The following CNTLN variants were observed in gnomAD, a reference collection of about 807,000 sequenced individuals.
CNTLN encodes the protein centlein, centrosomal protein.
Under a neutral mutation model 180.0 loss-of-function variants are expected in CNTLN, and 212 were observed. The observed-to-expected ratio is 1.18, with a 90% CI of 1.05 to 1.32. The LOEUF (loss-of-function observed/expected upper bound fraction) is 1.32, where lower values mean the gene tolerates loss of function less well. Ranked by LOEUF, CNTLN falls within the 40% of genes most tolerant of loss-of-function variation. CNTLN has a pLI of 0.00. For synonymous variants in CNTLN, 722 were observed against 563.1 expected, an observed-to-expected ratio of 1.28 and a Z score of -3.99; for missense variants, 2,095 against 1,610.9, an observed-to-expected ratio of 1.30 and a Z score of -5.14.
At chr9:17,496,704 C>G (rs912031717) in intron 25 of CNTLN, among the ~76,000 whole-genome samples, 2 of 152,122 alleles carry the variant, frequency 1.3e-5, no homozygotes, top group African/African-American at 4.8e-5. Context: ...CCTATTGAGC[C>G]CCCAAATTCT....
chr9:17,498,866 C>A (rs1225006519), intron 25 of CNTLN, among the ~76,000 whole-genome samples: 1 of 152,112 alleles, frequency 6.6e-6, no homozygotes, highest in African/African-American at 2.4e-5. Flanking sequence ...GTCAGATTGC[C>A]ACTTCTATCC....
At chr9:17,159,327 A>T (rs1181661869) in intron 2 of CNTLN, among the ~76,000 whole-genome samples, 1 of 152,190 alleles carries the variant, frequency 6.6e-6, no homozygotes, top group Non-Finnish European at 1.5e-5. Flanking sequence ...CCTTTCAAGC[A>T]AAGTCTCTGA....
intron 7 of CNTLN, 184 bp downstream of exon 7, chr9:17,298,536 A>T: frequency 7.7e-7 from 1 of 1,293,464 alleles, no homozygotes; most frequent in South Asian, 2.1e-5. Context: ...AATTTTCTTT[A>T]TGGTAATTAG....
intron 5 of CNTLN, among the ~76,000 whole-genome samples, chr9:17,269,822 A>G (rs530462935): frequency 2.6e-5 from 4 of 152,172 alleles, no homozygotes; most frequent in South Asian, 4.1e-4. Context: ...TTGGTTCTAG[A>G]CCACCACAAT....
At chr9:17,499,047 G>A (rs115620454) in intron 25 of CNTLN, among the ~76,000 whole-genome samples, 2,324 of 152,200 alleles carry the variant, frequency 0.015, 73 homozygotes, top group African/African-American at 0.053. Flanking sequence ...AAAGTAGAAG[G>A]TTTGGCTCTC....
intron 25 of CNTLN, chr9:17,495,137 C>T: frequency 2.9e-6 from 1 of 341,838 alleles, no homozygotes; most frequent in South Asian, 2.3e-5. Context: ...GCCTCAGCCT[C>T]TCAAAGTGCT....
chr9:17,256,936 T>A (rs1449954394), intron 5 of CNTLN, among the ~76,000 whole-genome samples: 1 of 151,918 alleles, frequency 6.6e-6, no homozygotes, highest in Non-Finnish European at 1.5e-5. Flanking sequence ...GTGCAGGAGC[T>A]CAGTCCAGAC....
chr9:17,202,577 C>T (rs1822606277), intron 2 of CNTLN, among the ~76,000 whole-genome samples: 1 of 149,426 alleles, frequency 6.7e-6, no homozygotes, highest in Non-Finnish European at 1.5e-5. Context: ...TATGTAATGC[C>T]CTTCTTTGTC....
At position 17,365,585 on chromosome 9, in the gene CNTLN, A is replaced by G. The variant is rs1823750889; in HGVS notation, c.1887-1032A>G. Among the ~76,000 whole-genome samples the G allele has an allele frequency of 3.3e-5, 5 of 152,002 alleles. No homozygotes were observed. In the South Asian group the frequency reaches 8.3e-4, roughly 25 times the overall value. ...GTCTTTTTGCCTTTATTTGGCATCT[A>G]GGAATTTACCATTCTTGTTTTCAGT... On this transcript the variant is annotated intron_variant, in intron 12 of 25. Transcript: ENST00000380647.
downstream of CNTLN, among the ~76,000 whole-genome samples, chr9:17,505,358 C>G (rs1833913881): frequency 6.6e-6 from 1 of 151,794 alleles, no homozygotes; most frequent in South Asian, 2.1e-4. Flanking sequence ...TAAAAGGCAT[C>G]CAGATTGGAA....
intron 8 of CNTLN, among the ~76,000 whole-genome samples, chr9:17,322,551 A>G (rs971831965): frequency 6.6e-6 from 1 of 152,182 alleles, no homozygotes; most frequent in African/African-American, 2.4e-5. Flanking sequence ...CTGCAACTCA[A>G]CTTTAACTAC....
At chr9:17,309,926 C>A (rs1408453438) in intron 8 of CNTLN, among the ~76,000 whole-genome samples, 1 of 151,866 alleles carries the variant, frequency 6.6e-6, no homozygotes, top group African/African-American at 2.4e-5. Context: ...TGTATTAATT[C>A]AGTAATGGAT....
intron 12 of CNTLN, among the ~76,000 whole-genome samples, chr9:17,357,598 ACT>A (rs1491375501): frequency 8.1e-4 from 57 of 70,114 alleles, no homozygotes; most frequent in African/African-American, 2.1e-3. Context: ...ATATATAAAT[ACT>A]ACATATATAT....
the CNTLN span, among the ~76,000 whole-genome samples, chr9:17,518,815 C>A: frequency 6.6e-6 from 1 of 152,156 alleles, no homozygotes; most frequent in South Asian, 2.1e-4. Flanking sequence ...TGTGATGGAG[C>A]CTCTGGGAGC....
intron 2 of CNTLN, among the ~76,000 whole-genome samples, chr9:17,209,481 T>G (rs952985433): frequency 2.0e-5 from 3 of 152,206 alleles, no homozygotes; most frequent in African/African-American, 7.2e-5. Flanking sequence ...TTGTTGATTT[T>G]CTGTCTGGAT....
chr9:17,451,085 G>GTATAGGGA (rs1830752986), intron 18 of CNTLN, among the ~76,000 whole-genome samples: 1 of 151,874 alleles, frequency 6.6e-6, no homozygotes, highest in Non-Finnish European at 1.5e-5. Context: ...TGGACAGCAT[G>GTATAGGGA]CAGAATTTTA....
At position 17,284,546 on chromosome 9, in the gene CNTLN, T is replaced by A. The variant is rs570286442; in HGVS notation, c.983+10680T>A. ...TTCTAGATTTTCTAGTTTATTTGCA[T>A]AGAGGTATTTATAGTATTATCTGAA... On this transcript the variant is annotated intron_variant, in intron 6 of 25. Coordinates refer to ENST00000380647, the MANE Select transcript of CNTLN (RefSeq NM_017738.4). Among the ~76,000 whole-genome samples the A allele has an allele frequency of 3.3e-5, 5 of 152,332 alleles. No homozygotes were observed. In the South Asian group the frequency reaches 1.0e-3, roughly 32 times the overall value.
rs757600687 is a variant in CNTLN, at chr9:17,409,399, C to A, written c.2722C>A (p.Pro908Thr). The A allele has an allele frequency of 1.9e-6, 3 of 1,613,310 alleles. No homozygotes were observed. Among genetic ancestry groups the A allele is most frequent in the South Asian group, 2.2e-5 (2 of 91,036 alleles). ...EDGKDQKESDPTEDSQTQGKE... is the reference protein window; with the variant it reads ...EDGKDQKESDTTEDSQTQGKE... The stretch of plus-strand genomic sequence containing the variant: ...TGGAAAAGACCAGAAAGAAAGTGAT[C>A]CAACAGAAGACAGCCAAACACAAGG... Residue 908 changes from proline (P) to threonine (T), a missense_variant, in exon 16 of 26, where the codon CCA becomes ACA. Physicochemically the swap from Pro to Thr is conservative, Grantham distance 38. Coordinates refer to ENST00000380647, the MANE Select transcript of CNTLN (RefSeq NM_017738.4).
intron 1 of CNTLN, among the ~76,000 whole-genome samples, chr9:17,141,104 T>C (rs1199147868): frequency 6.6e-6 from 1 of 152,200 alleles, no homozygotes; most frequent in Non-Finnish European, 1.5e-5. Flanking sequence ...ACAGCACTTA[T>C]ATTTCATTGA....
Sources: allele counts gnomAD v4.1 joint callset (sites outside exome capture counted in the v4.1 genomes callset), GRCh38; gene constraint gnomAD v4.1.1; transcripts MANE v1.5; gene names NCBI Gene and HGNC (gene_info 2026-07-23, HGNC 2026-07-21).